Variants in CGGBP1 observed in about 807,000 individuals in gnomAD.
CGGBP1 encodes CGG triplet repeat-binding protein 1.
In CGGBP1, 4 loss-of-function variants were observed where a neutral mutation model predicts 11.4. The observed-to-expected ratio is 0.35, with a 90% confidence interval of 0.17 to 0.80. CGGBP1 has a LOEUF of 0.80. Among genes scored for constraint, CGGBP1 ranks in the 30% least tolerant of loss-of-function variants. CGGBP1 has a pLI of 0.52. For missense variants in CGGBP1, 135 were observed against 202.1 expected (o/e 0.67, Z 2.01); for synonymous variants, 76 against 74.1 (o/e 1.03, Z -0.13).
intron 2 of CGGBP1, among the ~76,000 whole-genome samples, chr3:88,066,376 C>G (rs1433678961): frequency 2.0e-5 from 3 of 151,944 alleles, no homozygotes; most frequent in African/African-American, 7.3e-5. Flanking sequence ...GAGTTCGATA[C>G]CAGCCTGGGC....
intron 2 of CGGBP1, among the ~76,000 whole-genome samples, chr3:88,098,486 C>A (rs1249027064): frequency 6.6e-6 from 1 of 152,106 alleles, no homozygotes; most frequent in African/African-American, 2.4e-5. Context: ...TTTTATGAGG[C>A]CAGCATCATC....
intron 2 of CGGBP1, among the ~76,000 whole-genome samples, chr3:88,069,240 G>C (rs1285410137): frequency 6.6e-6 from 1 of 152,138 alleles, no homozygotes; most frequent in Non-Finnish European, 1.5e-5. Flanking sequence ...TGGCCAACAT[G>C]GTGAAACCCC....
At position 88,080,977 on chromosome 3, in the gene CGGBP1, G is replaced by A. The variant is rs192997096; in HGVS notation, c.-228-22754C>T. ...CTTTTCCCATTCCAGGATGTTATCC[G>A]TGATCTCACGTTGTATTTAGTTGTT... On this transcript the variant is annotated intron_variant, in intron 2 of 3. Coordinates refer to the CGGBP1 transcript ENST00000462901. 6.6e-5 allele frequency among the ~76,000 whole-genome samples: 10 copies of A among 152,180 alleles called. No homozygotes were observed. In the East Asian group the frequency reaches 9.7e-4, roughly 15 times the overall value.
chr3:88,125,999 T>TA, intron 2 of CGGBP1: 1 of 951,344 alleles, frequency 1.1e-6, no homozygotes, highest in South Asian at 2.5e-5. Context: ...CTACTTAGGT[T>TA]ACAATAGTAA....
At chr3:88,082,736 A>G (rs937846323) in intron 2 of CGGBP1, among the ~76,000 whole-genome samples, 7 of 152,210 alleles carry the variant, frequency 4.6e-5, no homozygotes, top group African/African-American at 1.2e-4. Context: ...GGAGAGCTCA[A>G]TTAAGAAACA....
chr3:88,124,952 ACG>A (rs1207357176), intron 2 of CGGBP1, among the ~76,000 whole-genome samples: 6 of 152,158 alleles, frequency 3.9e-5, no homozygotes, highest in Non-Finnish European at 8.8e-5. Flanking sequence ...ACGGTGGCTC[ACG>A]CCTGTAATCC....
At chr3:88,077,140 A>T (rs1707846955) in intron 2 of CGGBP1, among the ~76,000 whole-genome samples, 1 of 152,190 alleles carries the variant, frequency 6.6e-6, no homozygotes, top group South Asian at 2.1e-4. Flanking sequence ...CAAACTTACC[A>T]TGTCCAGAAT....
chr3:88,080,836 T>A (rs965092405), intron 2 of CGGBP1, among the ~76,000 whole-genome samples: 10 of 152,220 alleles, frequency 6.6e-5, no homozygotes, highest in Non-Finnish European at 1.3e-4. Flanking sequence ...TTAAATTTTT[T>A]AAAACTGAAC....
chr3:88,128,774 T>G, intron 2 of CGGBP1: 360 of 1,392,548 alleles, frequency 2.6e-4, no homozygotes, highest in Non-Finnish European at 3.2e-4. Flanking sequence ...AATCTTTTCT[T>G]GAGAGTAATA....
chr3:88,139,352 G>A, intron 2 of CGGBP1: 2 of 1,611,892 alleles, frequency 1.2e-6, no homozygotes, highest in Non-Finnish European at 1.7e-6. Context: ...ACATTGTAAG[G>A]CATGCCCAGG....
chr3:88,076,567 C>CTGTTT (rs373817082), intron 2 of CGGBP1, among the ~76,000 whole-genome samples: 19 of 152,134 alleles, frequency 1.2e-4, no homozygotes, highest in East Asian at 3.9e-4. Flanking sequence ...AGTGCATCAT[C>CTGTTT]TGTTTTGTTT....
At chr3:88,134,049 A>T (rs538014486) in intron 2 of CGGBP1, among the ~76,000 whole-genome samples, 1 of 151,700 alleles carries the variant, frequency 6.6e-6, no homozygotes, top group Non-Finnish European at 1.5e-5. Context: ...AGTAAAAGCT[A>T]GAGATGTGGT....
chr3:88,075,808 G>A (rs777994348), intron 2 of CGGBP1, among the ~76,000 whole-genome samples: 10 of 151,222 alleles, frequency 6.6e-5, no homozygotes, highest in Non-Finnish European at 1.3e-4. Context: ...AGTGTCTTCC[G>A]TAATGTTAGA....
At chr3:88,065,852 C>A (rs1332415664) in intron 2 of CGGBP1, among the ~76,000 whole-genome samples, 1 of 152,076 alleles carries the variant, frequency 6.6e-6, no homozygotes, top group Admixed American at 6.5e-5. Context: ...CCATCAGCCC[C>A]CACCCCCAGT....
chr3:88,103,497 G>GTA (rs1260267170), intron 2 of CGGBP1, among the ~76,000 whole-genome samples: 1 of 152,110 alleles, frequency 6.6e-6, no homozygotes, highest in African/African-American at 2.4e-5. Context: ...ATCTAAAACT[G>GTA]TATAACATGT....
At chr3:88,127,551 A>C (rs532397529) in intron 2 of CGGBP1, among the ~76,000 whole-genome samples, 1 of 152,152 alleles carries the variant, frequency 6.6e-6, no homozygotes, top group Non-Finnish European at 1.5e-5. Flanking sequence ...GACAGACTAG[A>C]GGAAATTATG....
chr3:88,095,917 ACTC>A (rs1282529479), intron 2 of CGGBP1: 2 of 400,188 alleles, frequency 5.0e-6, no homozygotes, highest in Non-Finnish European at 4.7e-6. Flanking sequence ...TCCACAGTCT[ACTC>A]CTCTTCATTC....
intron 2 of CGGBP1, among the ~76,000 whole-genome samples, chr3:88,075,691 G>C (rs1707761534): frequency 6.6e-6 from 1 of 152,080 alleles, no homozygotes; most frequent in Non-Finnish European, 1.5e-5. Context: ...TTTCAGATAA[G>C]CAGCTGGTTT....
intron 2 of CGGBP1, among the ~76,000 whole-genome samples, chr3:88,108,961 C>G (rs1704912919): frequency 6.6e-6 from 1 of 152,050 alleles, no homozygotes; most frequent in African/African-American, 2.4e-5. Context: ...AAATTTAAAG[C>G]CACATGGTGC....
Sources: gnomAD v4.1 joint callset for allele counts (sites outside exome capture counted in the v4.1 genomes callset) on GRCh38, gnomAD v4.1.1 for gene constraint, MANE v1.5 for transcripts, NCBI Gene and HGNC (gene_info 2026-07-23, HGNC 2026-07-21) for gene names.